C12orf56: variants seen among roughly 807,000 people sequenced by gnomAD.
C12orf56 encodes chromosome 12 open reading frame 56, also known as uncharacterized protein C12orf56.
C12orf56 carries 71 observed loss-of-function variants against 69.9 expected under a neutral mutation model. The ratio of observed to expected loss-of-function variants is 1.02; its 90% CI spans 0.84 to 1.24. The LOEUF is 1.24. Ranked by LOEUF, C12orf56 falls within the 50% of genes most tolerant of loss-of-function variation. The pLI, the probability that C12orf56 is intolerant of heterozygous loss-of-function variation, is 0.00. For missense variants in C12orf56, 732 were observed against 738.5 expected (o/e 0.99, Z 0.10); for synonymous variants, 276 against 274.1 (o/e 1.01, Z -0.07).
At chr12:64,370,929 G>T (rs2039562014) in intron 1 of C12orf56, among the ~76,000 whole-genome samples, 1 of 152,142 alleles carries the variant, frequency 6.6e-6, no homozygotes. Flanking sequence ...GAGCCCAGGA[G>T]TTCAAGGCTG....
At chr12:64,349,640 GA>G in intron 2 of C12orf56, among the ~76,000 whole-genome samples, 1 of 152,314 alleles carries the variant, frequency 6.6e-6, no homozygotes, top group Non-Finnish European at 1.5e-5. Flanking sequence ...AGTGGATAAA[GA>G]AACTGTGGAA....
At position 64,267,116 on chromosome 12, in the gene C12orf56, G is replaced by T; in HGVS notation, c.*67C>A. On this transcript the variant is annotated 3_prime_UTR_variant, in exon 13 of 13. Transcript: ENST00000543942. ...TTAAACAAATAAAAAAATGTTTCTC[G>T]TGAATATCAAGTTGACTCTTGATTA... 1 of 1,177,094 alleles carries T rather than the reference G, an allele frequency of 8.5e-7. No individual in the cohort carries two copies. The highest frequency in any genetic ancestry group is 1.2e-6 in the Non-Finnish European group (1 of 836,818). 72.9% of individuals were successfully genotyped at this position (1,177,094 alleles called of 1,614,324 possible).
chr12:64,376,486 G>A (rs1413636344), intron 1 of C12orf56, among the ~76,000 whole-genome samples: 2 of 152,146 alleles, frequency 1.3e-5, no homozygotes, highest in African/African-American at 4.8e-5. Context: ...AATTACTTTT[G>A]TACCAATCTA....
chr12:64,380,134 ACAAAACAAAC>A lies in C12orf56; in HGVS notation c.252+10170_252+10179del, dbSNP rs1565783158. Among the ~76,000 whole-genome samples the A allele has an allele frequency of 4.5e-4, 19 of 42,054 alleles. 1 individual carries two copies. Among genetic ancestry groups the A allele is most frequent in the African/African-American group, 1.1e-3 (17 of 15,382 alleles). The allele number at this position is 42,054 out of a possible 152,430, so 27.6% of individuals were successfully genotyped here. On this transcript the variant is annotated intron_variant, in intron 1 of 12. Transcript: ENST00000543942. The stretch of plus-strand genomic sequence containing the variant: ...AAAAAAAAAAAAAAAAAAAAAAAAA[ACAAAACAAAC>A]AAAAAAAAACGCACAATGCAGCTAA...
At position 64,315,877 on chromosome 12, in the gene C12orf56, G is replaced by A. The variant is rs189708989; in HGVS notation, c.894+2698C>T. 6.7e-4 allele frequency among the ~76,000 whole-genome samples: 100 copies of A among 149,538 alleles called. No individual in the cohort carries two copies. In the East Asian group the frequency reaches 0.01, roughly 16 times the overall value. Reference sequence around the variant, plus strand: ...ACCCGGGAGGCAGAGGTTGCAGTGAGCCAAGATCGCACCATTGCAAGCCAG... The same window carrying A: ...ACCCGGGAGGCAGAGGTTGCAGTGAACCAAGATCGCACCATTGCAAGCCAG... On this transcript the variant is annotated intron_variant, in intron 4 of 12. Coordinates refer to ENST00000543942, the MANE Select transcript of C12orf56 (RefSeq NM_001170633.2).
rs7484575 is a variant in C12orf56 at position 64,270,892 on chromosome 12, G to C, written c.1585-178C>G. The stretch of plus-strand genomic sequence containing the variant: ...AATAAAAAGTATAGGAGGAAGCTGG[G>C]CATGGTGGCTCACGCCTGTAATCCC... On this transcript the variant is annotated intron_variant, in intron 11 of 12. Transcript: ENST00000543942. 8.4e-3 allele frequency among the ~76,000 whole-genome samples: 1,276 copies of C among 152,334 alleles called. 56 individuals are homozygous for C. Among genetic ancestry groups the C allele is most frequent in the Admixed American group, 0.06 (916 of 15,296 alleles).
At chr12:64,388,833 G>T (rs894891554) in intron 1 of C12orf56, among the ~76,000 whole-genome samples, 3 of 152,224 alleles carry the variant, frequency 2.0e-5, no homozygotes, top group Admixed American at 1.3e-4. Flanking sequence ...CTCCAGCCTG[G>T]ATGACAGAGT....
chr12:64,286,076 G>A lies in C12orf56; in HGVS notation c.1114-16C>T. 6.8e-7 allele frequency: 1 copy of A among 1,478,772 alleles called. No homozygotes were observed. The highest frequency in any genetic ancestry group is 9.3e-7 in the Non-Finnish European group (1 of 1,075,194). The allele number at this position is 1,478,772 out of a possible 1,614,324, so 91.6% of individuals were successfully genotyped here. A position where few individuals can be genotyped will look rare whatever the true frequency, so the allele number is the denominator to read the frequency against. ...GGTCACTGGTCTGTGAAAGCAAGTT[G>A]GAAAAAAAGACAGTAATTAAGGTAT... On this transcript the variant is annotated splice_polypyrimidine_tract_variant and intron_variant, in intron 6 of 12. Coordinates refer to ENST00000543942, the MANE Select transcript of C12orf56 (RefSeq NM_001170633.2).
Position 64,331,007 on chromosome 12 carries a change from G to A in C12orf56, c.441C>T (p.Ala147=), listed in dbSNP as rs2038923261. ...TTCTGGACTCTTTGCTTCTCCAAAA[G>A]GCAAGGCCGTTCTTTTCTTCCTTGA... The part of the protein sequence containing the change: ...KKVKEEKNGL[A]FWRSKESRSL... The change falls in exon 3 of 13, where the codon GCC becomes GCT. Residue 147 remains alanine, a synonymous_variant. Coordinates refer to ENST00000543942, the MANE Select transcript of C12orf56 (RefSeq NM_001170633.2). The A allele has an allele frequency of 1.3e-6, 2 of 1,553,652 alleles. No homozygotes were observed. The highest frequency in any genetic ancestry group is 1.2e-5 in the South Asian group (1 of 83,860).
In C12orf56 at chr12:64,338,170, G is replaced by C. The variant is rs1037752920; in HGVS notation, c.416-7138C>G. ...TGAGGACGAGCTCCACCTCCCGAAG[G>C]CTTAGTCCAAAAACTTCCTGTTGGC... On this transcript the variant is annotated intron_variant, in intron 2 of 12. Transcript: ENST00000543942. 4 of 574,788 alleles carry C rather than the reference G, an allele frequency of 7.0e-6. No individual in the cohort carries two copies. The Admixed American group carries it at 7.8e-5, about 11-fold the overall frequency. The allele number at this position is 574,788 out of a possible 1,614,324, so 35.6% of individuals were successfully genotyped here.
At chr12:64,279,257 C>T (rs1480151028) in intron 8 of C12orf56, among the ~76,000 whole-genome samples, 1 of 152,072 alleles carries the variant, frequency 6.6e-6, no homozygotes, top group Admixed American at 6.6e-5. Flanking sequence ...TCCCAAAAAA[C>T]CTCAGTTATT....
At chr12:64,368,723 A>G (rs1486295121) in intron 1 of C12orf56, among the ~76,000 whole-genome samples, 1 of 152,202 alleles carries the variant, frequency 6.6e-6, no homozygotes, top group East Asian at 1.9e-4. Context: ...CACAGTAGAC[A>G]TCTTGACAAA....
intron 3 of C12orf56, among the ~76,000 whole-genome samples, chr12:64,325,796 G>A (rs2038831407): frequency 6.6e-6 from 1 of 152,038 alleles, no homozygotes; most frequent in East Asian, 1.9e-4. Context: ...ATGTATCTGT[G>A]CCTGCTAAGG....
intron 1 of C12orf56, among the ~76,000 whole-genome samples, chr12:64,364,450 A>T (rs1385398773): frequency 6.6e-6 from 1 of 152,088 alleles, no homozygotes; most frequent in African/African-American, 2.4e-5. Flanking sequence ...GTGAAGAGGC[A>T]TTGGGGGTGC....
At chr12:64,374,276 TA>T in intron 1 of C12orf56, among the ~76,000 whole-genome samples, 1 of 152,184 alleles carries the variant, frequency 6.6e-6, no homozygotes, top group African/African-American at 2.4e-5. Context: ...AGACTAAAAG[TA>T]AAAATCTTTC....
rs1218152843 is a variant in C12orf56 at position 64,281,680 on chromosome 12, G to A, written c.1310+2984C>T. ...GACCCTAGGGATATAAAAACTGGCTGAGAAAAGTTAATATTACAACCAGAC... is the reference window on the plus strand; with the variant it reads ...GACCCTAGGGATATAAAAACTGGCTAAGAAAAGTTAATATTACAACCAGAC... On this transcript the variant is annotated intron_variant, in intron 8 of 12. Coordinates refer to ENST00000543942, the MANE Select transcript of C12orf56 (RefSeq NM_001170633.2). Among the ~76,000 whole-genome samples, 5 of 152,198 alleles carry A rather than the reference G, an allele frequency of 3.3e-5. No homozygotes were observed. The East Asian group carries it at 5.8e-4, about 18-fold the overall frequency.
chr12:64,269,593 AC>A (rs2037955419), intron 12 of C12orf56, among the ~76,000 whole-genome samples: 2 of 28,854 alleles, frequency 6.9e-5, no homozygotes, highest in African/African-American at 1.1e-4. Context: ...GTTTATTTAC[AC>A]TTTTTTTTTT....
intron 1 of C12orf56, chr12:64,389,143 G>A (rs1016529732): frequency 3.3e-5 from 5 of 152,126 alleles, no homozygotes; most frequent in African/African-American, 1.2e-4. Flanking sequence ...CTAGACACCT[G>A]TCCCCAACGG....
Position 64,303,658 on chromosome 12 carries a change from T to G in C12orf56, c.1090A>C (p.Ile364Leu). Reference protein sequence around the residue: ...ELKVAAQKNFILKRLFWKTSD... With the variant: ...ELKVAAQKNFLLKRLFWKTSD... ...ACCTTCCAGAAAAGCCTTTTCAGAA[T>G]GAAGTTTTTCTGGGCTGCTACTTTA... is the stretch of plus-strand genomic sequence containing the variant. Residue 364 changes from isoleucine to leucine, a missense_variant, in exon 6 of 13, where the codon ATT becomes CTT. Physicochemically the swap from Ile to Leu is conservative, Grantham distance 5. Transcript: ENST00000543942. The G allele has an allele frequency of 6.4e-7, 1 of 1,561,896 alleles. No homozygotes were observed. Among genetic ancestry groups the G allele is most frequent in the Non-Finnish European group, 8.7e-7 (1 of 1,155,888 alleles).
Sources: gnomAD v4.1 joint callset for allele counts (sites outside exome capture counted in the v4.1 genomes callset) on GRCh38, gnomAD v4.1.1 for gene constraint, MANE v1.5 for transcripts, NCBI Gene and HGNC (gene_info 2026-07-23, HGNC 2026-07-21) for gene names.